The following GFOD1 variants were observed in gnomAD, a reference collection of about 807,000 sequenced individuals.
GFOD1 encodes Gfo/Idh/MocA-like oxidoreductase domain containing 1.
A neutral mutation model predicts 25.4 loss-of-function variants in GFOD1; 9 were observed. The observed-to-expected ratio is 0.35, with a 90% CI of 0.21 to 0.62. The LOEUF (loss-of-function observed/expected upper bound fraction) is 0.62. Among genes scored for constraint, GFOD1 ranks in the 20% least tolerant of loss-of-function variants. GFOD1 has a pLI of 0.72. For synonymous variants in GFOD1, 253 were observed against 245.6 expected (o/e 1.03, Z -0.28); for missense variants, 403 against 556.9 (o/e 0.72, Z 2.78).
intron 1 of GFOD1, among the ~76,000 whole-genome samples, chr6:13,385,165 A>G (rs1309562597): frequency 2.6e-5 from 4 of 152,126 alleles, no homozygotes; most frequent in Non-Finnish European, 5.9e-5. Context: ...AACCACTGCC[A>G]TCCAATACTG....
chr6:13,437,451 CA>C (rs1302642334), intron 1 of GFOD1, among the ~76,000 whole-genome samples: 1 of 152,116 alleles, frequency 6.6e-6, no homozygotes, highest in Non-Finnish European at 1.5e-5. Context: ...ATATGGAAGC[CA>C]CTAACCACAT....
At chr6:13,377,104 T>C (rs556194263) in intron 1 of GFOD1, among the ~76,000 whole-genome samples, 38 of 151,724 alleles carry the variant, frequency 2.5e-4, no homozygotes, top group African/African-American at 9.2e-4. Flanking sequence ...AAACATTGGG[T>C]TTCTTCTGCA....
At chr6:13,377,034 T>TA (rs200769881) in intron 1 of GFOD1, among the ~76,000 whole-genome samples, 2 of 151,082 alleles carry the variant, frequency 1.3e-5, no homozygotes, top group African/African-American at 4.9e-5. Context: ...TTTTTTTTTT[T>TA]AAAAGCCAAT....
At chr6:13,454,757 T>C (rs1386839010) in intron 1 of GFOD1, among the ~76,000 whole-genome samples, 2 of 152,156 alleles carry the variant, frequency 1.3e-5, no homozygotes, top group Admixed American at 1.3e-4. Flanking sequence ...AGACAGTGCA[T>C]GAGTCACAGA....
chr6:13,438,284 T>A (rs1757864440), intron 1 of GFOD1, among the ~76,000 whole-genome samples: 1 of 152,230 alleles, frequency 6.6e-6, no homozygotes, highest in Non-Finnish European at 1.5e-5. Context: ...GTGTGCATTG[T>A]GTTTACATAA....
In GFOD1 at chr6:13,477,235, G is replaced by C. The variant is rs1758647170; in HGVS notation, c.253+9403C>G. ...ATAGGGGGTGTGTGTGTGTGTGTGT[G>C]TGTGTGTGTGTGTGTGTGTAGATGA... On this transcript the variant is annotated intron_variant, in intron 1 of 1. Transcript: ENST00000379287. Among the ~76,000 whole-genome samples the C allele has an allele frequency of 2.7e-5, 4 of 149,192 alleles. No individual in the cohort carries two copies. In the South Asian group the frequency reaches 8.6e-4, roughly 32 times the overall value.
At chr6:13,479,395 T>G (rs1414384971) in intron 1 of GFOD1, among the ~76,000 whole-genome samples, 1 of 152,198 alleles carries the variant, frequency 6.6e-6, no homozygotes, top group Non-Finnish European at 1.5e-5. Flanking sequence ...GAAGGATGAT[T>G]ATGACTCCCA....
chr6:13,476,633 C>T (rs967103908), intron 1 of GFOD1, among the ~76,000 whole-genome samples: 1 of 152,094 alleles, frequency 6.6e-6, no homozygotes, highest in Admixed American at 6.5e-5. Context: ...GTTAAAACTG[C>T]AAACCAACTT....
At chr6:13,451,422 G>A (rs910940470) in intron 1 of GFOD1, among the ~76,000 whole-genome samples, 6 of 152,266 alleles carry the variant, frequency 3.9e-5, no homozygotes, top group Admixed American at 2.6e-4. Flanking sequence ...GGGAGCCATC[G>A]CCAGCAGTTC....
rs142281133 is a variant in GFOD1, at chr6:13,386,025, A to G, written c.254-20363T>C. On this transcript the variant is annotated intron_variant, in intron 1 of 1. Transcript: ENST00000379287. ...CTCCATGACTCCATTCCCTTATCCT[A>G]TCTGTTGCCCCAGGCCAGGGAGTTT... Among the ~76,000 whole-genome samples, 45 of 147,508 alleles carry G rather than the reference A, an allele frequency of 3.1e-4. 1 individual carries two copies. The East Asian group carries it at 3.8e-3, about 13-fold the overall frequency.
At chr6:13,469,163 G>A in intron 1 of GFOD1, 2 of 829,622 alleles carry the variant, frequency 2.4e-6, no homozygotes, top group Non-Finnish European at 2.9e-6. Context: ...CTCCAGAACA[G>A]TAAAGAGGCC....
At chr6:13,450,512 C>A (rs946626944) in intron 1 of GFOD1, among the ~76,000 whole-genome samples, 1 of 152,174 alleles carries the variant, frequency 6.6e-6, no homozygotes. Context: ...AGAGAAGGTG[C>A]ATGGGATGAA....
chr6:13,482,339 A>T (rs986627297), intron 1 of GFOD1, among the ~76,000 whole-genome samples: 30 of 149,872 alleles, frequency 2.0e-4, no homozygotes, highest in African/African-American at 4.9e-4. Flanking sequence ...ATATATTTTT[A>T]AAATAATATT....
intron 1 of GFOD1, among the ~76,000 whole-genome samples, chr6:13,438,497 C>T (rs1233855700): frequency 1.3e-5 from 2 of 152,094 alleles, no homozygotes; most frequent in Non-Finnish European, 1.5e-5. Context: ...TAAAATTATA[C>T]CTTCTCAAAA....
At chr6:13,451,358 G>A (rs1305566174) in intron 1 of GFOD1, among the ~76,000 whole-genome samples, 6 of 152,156 alleles carry the variant, frequency 3.9e-5, no homozygotes, top group African/African-American at 7.2e-5. Flanking sequence ...CCAGCAACAC[G>A]GAGGCCCGAG....
Position 13,364,650 on chromosome 6 carries a change from C to A in GFOD1, c.*93G>T. ...ACTGTCCCTCCACCTCCCTGATCCC[C>A]ACATTCCCCATGGTCACCCTCTCCC... is the stretch of plus-strand genomic sequence containing the variant. On this transcript the variant is annotated 3_prime_UTR_variant, in exon 2 of 2. Coordinates refer to ENST00000379287, the MANE Select transcript of GFOD1 (RefSeq NM_018988.4). This position sits in a 1 kb window ranked among gnomAD's most constrained non-coding sequence, Gnocchi z 4.1. The A allele has an allele frequency of 9.2e-7, 1 of 1,081,632 alleles. No homozygotes were observed. Among genetic ancestry groups the A allele is most frequent in the South Asian group, 1.5e-5 (1 of 67,326 alleles). The allele number at this position is 1,081,632 out of a possible 1,614,324, so 67.0% of individuals were successfully genotyped here. A position where few individuals can be genotyped will look rare whatever the true frequency, so the allele number is the denominator to read the frequency against.
At position 13,409,177 on chromosome 6, in the gene GFOD1, GAGAGAGAGAA is replaced by G. The variant is rs1424815274; in HGVS notation, c.254-43525_254-43516del. 4.8e-4 allele frequency among the ~76,000 whole-genome samples: 36 copies of G among 74,682 alleles called. 3 individuals are homozygous for G. The highest frequency in any genetic ancestry group is 1.2e-3 in the African/African-American group (36 of 29,502). 49.0% of individuals were successfully genotyped at this position (74,682 alleles called of 152,430 possible). On this transcript the variant is annotated intron_variant, in intron 1 of 1. Coordinates refer to ENST00000379287, the MANE Select transcript of GFOD1 (RefSeq NM_018988.4). The stretch of plus-strand genomic sequence containing the variant: ...AGGAAAGAAAGAAAGGAAAGAGAGA[GAGAGAGAGAA>G]AGAAAGAAAGAAAGAGAAAGAAGGA...
In GFOD1 at chr6:13,362,287, C is replaced by T. The variant is rs1438957912; in HGVS notation, c.*2456G>A. ...ACCATGCTGGCTAATACAGTGAAAC[C>T]CCGTCTCTACTAAAAATACAAAAAA... On this transcript the variant is annotated 3_prime_UTR_variant, in exon 2 of 2. Coordinates refer to ENST00000379287, the MANE Select transcript of GFOD1 (RefSeq NM_018988.4). 1.3e-5 allele frequency: 2 copies of T among 151,764 alleles called. No homozygotes were observed. The highest frequency in any genetic ancestry group is 2.4e-5 in the African/African-American group (1 of 41,308). 9.4% of individuals were successfully genotyped at this position (151,764 alleles called of 1,614,324 possible). A position where few individuals can be genotyped will look rare whatever the true frequency, so the allele number is the denominator to read the frequency against.
At chr6:13,469,638 C>G (rs1481589849) in intron 1 of GFOD1, 1 of 1,114,472 alleles carries the variant, frequency 9.0e-7, no homozygotes, top group Admixed American at 4.5e-5. Context: ...CCATATTTCA[C>G]ATAATCTAAG....
Sources: gnomAD v4.1 joint callset for allele counts (sites outside exome capture counted in the v4.1 genomes callset) on GRCh38, gnomAD v4.1.1 for gene constraint, Gnocchi (gnomAD v3.1) non-coding constraint, MANE v1.5 for transcripts, NCBI Gene and HGNC (gene_info 2026-07-23, HGNC 2026-07-21) for gene names.